The following CNGB3 variants were observed in gnomAD, a reference collection of about 807,000 sequenced individuals.
CNGB3 encodes the protein cyclic nucleotide-gated channel beta-3.
A neutral mutation model predicts 92.8 loss-of-function variants in CNGB3; 86 were observed. The ratio of observed to expected loss-of-function variants is 0.93; its 90% confidence interval spans 0.78 to 1.11. The LOEUF (loss-of-function observed/expected upper bound fraction) is 1.11, where lower values mean the gene tolerates loss of function less well. CNGB3 is among the 50% of genes least tolerant of loss of function. CNGB3 has a pLI of 0.00. For synonymous variants in CNGB3, 333 were observed against 332.7 expected, an observed-to-expected ratio of 1.00 and a Z score of -0.01; for missense variants, 1,026 against 956.8, an observed-to-expected ratio of 1.07 and a Z score of -0.95.
Position 86,632,908 on chromosome 8 carries a change from G to T in CNGB3, c.1179-15C>A, listed in dbSNP as rs766716569. On this transcript the variant is annotated splice_polypyrimidine_tract_variant and intron_variant, in intron 10 of 17. Coordinates refer to ENST00000320005, the MANE Select transcript of CNGB3 (RefSeq NM_019098.5). ...ATCTCAGATACCTGTGAAAACAGAA[G>T]ATATACATTTTGCTTTTTTTCTATA... 2 of 1,611,120 alleles carry T rather than the reference G, an allele frequency of 1.2e-6. No homozygotes were observed. The highest frequency in any genetic ancestry group is 1.7e-5 in the Admixed American group (1 of 59,944).
intron 3 of CNGB3, among the ~76,000 whole-genome samples, chr8:86,691,639 C>T (rs955356173): frequency 4.6e-4 from 70 of 152,154 alleles, no homozygotes; most frequent in African/African-American, 1.7e-3. Context: ...GTTAATCTTG[C>T]TAATGCTGTA....
At chr8:86,589,434 G>T (rs1821973895) in intron 15 of CNGB3, among the ~76,000 whole-genome samples, 1 of 150,816 alleles carries the variant, frequency 6.6e-6, no homozygotes, top group Non-Finnish European at 1.5e-5. Flanking sequence ...TGATGTTAGG[G>T]TGTCAATTTT....
chr8:86,595,394 GA>G (rs751518089), intron 15 of CNGB3, among the ~76,000 whole-genome samples: 49 of 152,334 alleles, frequency 3.2e-4, no homozygotes, highest in Admixed American at 6.5e-4. Context: ...GAGGAATCCT[GA>G]GGATATTTGA....
intron 3 of CNGB3, among the ~76,000 whole-genome samples, chr8:86,718,938 A>G (rs562962535): frequency 1.3e-5 from 2 of 152,224 alleles, no homozygotes; most frequent in South Asian, 4.1e-4. Flanking sequence ...ATCTCAGTAG[A>G]TGCAGAAAAA....
rs564884653 is a variant in CNGB3, at chr8:86,722,909, T to C, written c.338+3622A>G. 8.5e-5 allele frequency among the ~76,000 whole-genome samples: 13 copies of C among 152,302 alleles called. No individual in the cohort carries two copies. In the South Asian group the frequency reaches 2.5e-3, roughly 29 times the overall value. ...TATATCATTGGCTTTCCCGGGTCTCTAGCTTACTGACTGCAGATCTTGGGA... is the reference window on the plus strand; with the variant it reads ...TATATCATTGGCTTTCCCGGGTCTCCAGCTTACTGACTGCAGATCTTGGGA... On this transcript the variant is annotated intron_variant, in intron 3 of 17. Transcript: ENST00000320005.
chr8:86,688,034 C>G (rs1824222592), intron 3 of CNGB3, among the ~76,000 whole-genome samples: 1 of 151,874 alleles, frequency 6.6e-6, no homozygotes, highest in Non-Finnish European at 1.5e-5. Flanking sequence ...AAAAAACAAA[C>G]AGGGCTTCAG....
chr8:86,585,168 C>T lies in CNGB3; in HGVS notation c.1782-5916G>A, dbSNP rs575388941. Among the ~76,000 whole-genome samples the T allele has an allele frequency of 3.9e-5, 6 of 152,154 alleles. No homozygotes were observed. The East Asian group carries it at 1.2e-3, about 29-fold the overall frequency. ...GAATGTTATGGAGAAATGGTGTATTCAGGGACTGTGTAAGATAACTTGTAT... is the reference window on the plus strand; with the variant it reads ...GAATGTTATGGAGAAATGGTGTATTTAGGGACTGTGTAAGATAACTTGTAT... On this transcript the variant is annotated intron_variant, in intron 15 of 17. Coordinates refer to ENST00000320005, the MANE Select transcript of CNGB3 (RefSeq NM_019098.5).
intron 2 of CNGB3, among the ~76,000 whole-genome samples, chr8:86,727,014 T>C (rs1444221290): frequency 6.6e-6 from 1 of 152,188 alleles, no homozygotes; most frequent in Non-Finnish European, 1.5e-5. Context: ...ACTCTATGGA[T>C]CCTAGGCTAC....
In CNGB3 at chr8:86,632,915, A is replaced by AT. The variant is rs758858872; in HGVS notation, c.1179-23dup. On this transcript the variant is annotated intron_variant, in intron 10 of 17. Coordinates refer to ENST00000320005, the MANE Select transcript of CNGB3 (RefSeq NM_019098.5). ...ATACCTGTGAAAACAGAAGATATAC[A>AT]TTTTGCTTTTTTTCTATATCATCGA... The AT allele has an allele frequency of 4.4e-6, 7 of 1,602,956 alleles. No homozygotes were observed. The South Asian group carries it at 7.7e-5, about 18-fold the overall frequency.
intron 15 of CNGB3, among the ~76,000 whole-genome samples, chr8:86,595,109 G>T (rs571127363): frequency 2.0e-5 from 3 of 152,186 alleles, no homozygotes; most frequent in Non-Finnish European, 4.4e-5. Flanking sequence ...AAATATTTAA[G>T]AATTTCATCT....
chr8:86,741,728 A>G (rs1244886883), intron 1 of CNGB3, among the ~76,000 whole-genome samples: 1 of 152,142 alleles, frequency 6.6e-6, no homozygotes, highest in Non-Finnish European at 1.5e-5. Flanking sequence ...ATATCCACAA[A>G]TTATGGCTGT....
intron 15 of CNGB3, among the ~76,000 whole-genome samples, chr8:86,587,530 G>A (rs1374923639): frequency 6.6e-6 from 1 of 152,052 alleles, no homozygotes; most frequent in African/African-American, 2.4e-5. Flanking sequence ...TGTAAGGAAG[G>A]GATCCAGTTT....
chr8:86,666,959 G>A lies in CNGB3; in HGVS notation c.818C>T (p.Pro273Leu), dbSNP rs1466687341. 35 of 1,612,852 alleles carry A rather than the reference G, an allele frequency of 2.2e-5. No homozygotes were observed. The highest frequency in any genetic ancestry group is 2.9e-5 in the Non-Finnish European group (34 of 1,179,986). The stretch of plus-strand genomic sequence containing the variant: ...TCCTCCTCTTACAAACTGGAGTCTG[G>A]GCTGGATAAATAGCATATCATAAAG... ...IYLYDMLFIQPRLQFVRGGDI... is the reference protein window; with the variant it reads ...IYLYDMLFIQLRLQFVRGGDI... Residue 273 changes from proline (P) to leucine (L), a missense_variant, in exon 6 of 18, where the codon CCC becomes CTC. Transcript: ENST00000320005.
chr8:86,635,069 T>C (rs1188151951), intron 10 of CNGB3, among the ~76,000 whole-genome samples: 1 of 152,024 alleles, frequency 6.6e-6, no homozygotes, highest in East Asian at 1.9e-4. Flanking sequence ...ATGTTACCAC[T>C]GTATAATTTT....
At position 86,667,112 on chromosome 8, in the gene CNGB3, A is replaced by G. The variant is rs1823757033; in HGVS notation, c.665T>C (p.Leu222Pro). Residue 222 changes from leucine (L) to proline (P), a missense_variant, in exon 6 of 18, where the codon CTC (leucine) becomes CCC (proline). Physicochemically the swap from Leu to Pro is moderately conservative, Grantham distance 98. Coordinates refer to ENST00000320005, the MANE Select transcript of CNGB3 (RefSeq NM_019098.5). ...GTTATAGGCAAGAGTGACAAGCAAG[A>G]GCCACAGGAGATAGAGTCGATCTGG... ...SYTDRLYLLW[L>P]LLVTLAYNWN... is the part of the protein sequence containing the mutation. 2 of 1,613,992 alleles carry G rather than the reference A, an allele frequency of 1.2e-6. No homozygotes were observed. The highest frequency in any genetic ancestry group is 1.7e-6 in the Non-Finnish European group (2 of 1,179,972).
At position 86,578,783 on chromosome 8, in the gene CNGB3, T is replaced by C. The variant is rs926474552; in HGVS notation, c.2009A>G (p.Glu670Gly). Reference protein sequence around the residue: ...KDLALLFPPKEETPKLFKTLL... With the variant: ...KDLALLFPPKGETPKLFKTLL... ...AGTTTTAAACAGTTTGGGTGTCTCT[T>C]CTTTCGGTGGGAAGAGGAGGGCAAG... Residue 670 changes from glutamate (E) to glycine (G), a missense_variant, in exon 17 of 18, where the codon GAA (glutamate) becomes GGA (glycine). Coordinates refer to ENST00000320005, the MANE Select transcript of CNGB3 (RefSeq NM_019098.5). 4.3e-6 allele frequency: 7 copies of C among 1,614,178 alleles called. No homozygotes were observed. Among genetic ancestry groups the C allele is most frequent in the Non-Finnish European group, 5.9e-6 (7 of 1,180,028 alleles).
At chr8:86,694,582 A>G (rs556241236) in intron 3 of CNGB3, among the ~76,000 whole-genome samples, 1 of 141,486 alleles carries the variant, frequency 7.1e-6, no homozygotes, top group Admixed American at 7.0e-5. Context: ...CACTTCTCAG[A>G]CGGGGCGGCC....
intron 3 of CNGB3, among the ~76,000 whole-genome samples, chr8:86,722,717 G>A (rs1321947147): frequency 1.3e-5 from 2 of 152,178 alleles, no homozygotes; most frequent in Non-Finnish European, 2.9e-5. Flanking sequence ...CTGAGAGAAA[G>A]AGGGCACTCC....
intron 15 of CNGB3, among the ~76,000 whole-genome samples, chr8:86,602,228 C>T (rs573436168): frequency 3.9e-5 from 6 of 152,188 alleles, no homozygotes; most frequent in African/African-American, 1.4e-4. Flanking sequence ...ACTCAGGTCT[C>T]GTATGTTCTG....
Sources: gnomAD v4.1 joint callset for allele counts (sites outside exome capture counted in the v4.1 genomes callset) on GRCh38, gnomAD v4.1.1 for gene constraint, MANE v1.5 for transcripts, NCBI Gene and HGNC (gene_info 2026-07-23, HGNC 2026-07-21) for gene names.